LRRC4B: variants seen among roughly 807,000 people sequenced by gnomAD.
LRRC4B encodes leucine-rich repeat-containing protein 4B.
Under a neutral mutation model 7.3 loss-of-function variants are expected in LRRC4B, and 1 was observed. The ratio of observed to expected loss-of-function variants is 0.14; its 90% CI spans 0.05 to 0.65. LRRC4B has a LOEUF of 0.65. LRRC4B is among the 30% of genes least tolerant of loss of function. The pLI, the probability that LRRC4B is intolerant of heterozygous loss-of-function variation, is 0.84. For synonymous variants in LRRC4B, 500 were observed against 499.2 expected, an observed-to-expected ratio of 1.00 and a Z score of -0.02; for missense variants, 730 against 1,041.6, an observed-to-expected ratio of 0.70 and a Z score of 4.12.
intron 1 of LRRC4B, among the ~76,000 whole-genome samples, chr19:50,558,931 C>T (rs75603077): frequency 6.6e-6 from 1 of 152,340 alleles, no homozygotes; most frequent in Non-Finnish European, 1.5e-5. Context: ...AGCACCTGAC[C>T]AGCGCTGCCT....
intron 2 of LRRC4B, among the ~76,000 whole-genome samples, chr19:50,547,796 T>TC: frequency 6.6e-6 from 1 of 151,106 alleles, no homozygotes; most frequent in South Asian, 2.1e-4. Context: ...CACAGCTCTG[T>TC]CCCCCCAAGC....
Position 50,548,318 on chromosome 19 carries a change from G to A in LRRC4B, c.297+224C>T, listed in dbSNP as rs916634013. ...GTGGCCTGCACTTGGGCCCCGACAC[G>A]GTGGCTCAGAGACAGGGAGCACTGT... On this transcript the variant is annotated intron_variant, in intron 2 of 2. Coordinates refer to ENST00000652263, the MANE Select transcript of LRRC4B (RefSeq NM_001080457.2). The surrounding 1 kb of genome is among the most constrained non-coding windows in gnomAD (Gnocchi z 6.8). Among the ~76,000 whole-genome samples, 1 of 152,248 alleles carries A rather than the reference G, an allele frequency of 6.6e-6. No homozygotes were observed. The highest frequency in any genetic ancestry group is 6.5e-5 in the Admixed American group (1 of 15,290).
rs904167557 is a variant in LRRC4B, at chr19:50,537,804, G to A, written c.297+10738C>T. ...TCGGAGTGGTGACAAGGATTATGTG[G>A]GCCCCGAGATGGCGCTGCTGAGGGA... On this transcript the variant is annotated intron_variant, in intron 2 of 2. Transcript: ENST00000652263. This position sits in a 1 kb window ranked among gnomAD's most constrained non-coding sequence, Gnocchi z 5.5. Among the ~76,000 whole-genome samples, 3 of 152,158 alleles carry A rather than the reference G, an allele frequency of 2.0e-5. No individual in the cohort carries two copies. Among genetic ancestry groups the A allele is most frequent in the Admixed American group, 2.0e-4 (3 of 15,282 alleles).
intron 1 of LRRC4B, among the ~76,000 whole-genome samples, chr19:50,550,380 G>A (rs1982002114): frequency 6.6e-6 from 1 of 151,706 alleles, no homozygotes. Context: ...CAGGAGGAGG[G>A]CAGGTCACAC....
intron 1 of LRRC4B, among the ~76,000 whole-genome samples, chr19:50,551,381 G>T (rs568268071): frequency 6.6e-6 from 1 of 151,238 alleles, no homozygotes; most frequent in Non-Finnish European, 1.5e-5. Flanking sequence ...CCACCCCTGG[G>T]GGGGGCTGTC....
rs748267945 is a variant in LRRC4B at position 50,526,163 on chromosome 19, T to TG, written c.298-6749dup. On this transcript the variant is annotated intron_variant, in intron 2 of 2. Coordinates refer to ENST00000652263, the MANE Select transcript of LRRC4B (RefSeq NM_001080457.2). The stretch of plus-strand genomic sequence containing the variant: ...CGCTGTGCTGCCACCAAGGCGACAA[T>TG]GACAGTGAGAGCCCATAAGACACAG... Among the ~76,000 whole-genome samples, 9 of 152,202 alleles carry TG rather than the reference T, an allele frequency of 5.9e-5. No homozygotes were observed. The South Asian group carries it at 1.9e-3, about 32-fold the overall frequency.
intron 2 of LRRC4B, among the ~76,000 whole-genome samples, chr19:50,545,750 G>C (rs1171279484): frequency 7.0e-6 from 1 of 142,234 alleles, no homozygotes. Context: ...TTTTAAGACA[G>C]GGTCTCTCTG....
At chr19:50,532,131 G>A (rs1177230783) in intron 2 of LRRC4B, among the ~76,000 whole-genome samples, 1 of 152,168 alleles carries the variant, frequency 6.6e-6, no homozygotes, top group Non-Finnish European at 1.5e-5. Context: ...AGCTACTTGG[G>A]AGGCTGAGGC....
Position 50,555,923 on chromosome 19 carries a change from G to A in LRRC4B, c.-35-7050C>T, listed in dbSNP as rs904543787. The A allele has an allele frequency of 6.6e-6, 1 of 152,380 alleles. No individual in the cohort carries two copies. Among genetic ancestry groups the A allele is most frequent in the African/African-American group, 2.4e-5 (1 of 41,444 alleles). The allele number at this position is 152,380 out of a possible 1,614,324, so 9.4% of individuals were successfully genotyped here. A position where few individuals can be genotyped will look rare whatever the true frequency, so the allele number is the denominator to read the frequency against. ...AGTGGAGCCTGGAGCCCAGAGGGTG[G>A]AGAGGGATTGAAGCCGGGGAGGGAT... is the stretch of plus-strand genomic sequence containing the variant. On this transcript the variant is annotated intron_variant, in intron 1 of 2. Transcript: ENST00000652263. The surrounding 1 kb of genome is among the most constrained non-coding windows in gnomAD (Gnocchi z 5.2).
Position 50,517,533 on chromosome 19 carries a change from G to C in LRRC4B, c.*38C>G. On this transcript the variant is annotated 3_prime_UTR_variant, in exon 3 of 3. Transcript: ENST00000652263. The surrounding 1 kb of genome is among the most constrained non-coding windows in gnomAD (Gnocchi z 6.6). ...CTGCGCCCGGGCTGGGACCTGGGTG[G>C]GGGGCTCCACGCCCCTCGCCCGCCC... 7.2e-7 allele frequency: 1 copy of C among 1,393,620 alleles called. No homozygotes were observed. The highest frequency in any genetic ancestry group is 9.3e-7 in the Non-Finnish European group (1 of 1,072,802). 86.3% of individuals were successfully genotyped at this position (1,393,620 alleles called of 1,614,324 possible).
chr19:50,557,609 C>T (rs1274650432), intron 1 of LRRC4B: 1 of 152,118 alleles, frequency 6.6e-6, no homozygotes, highest in Non-Finnish European at 1.5e-5. Flanking sequence ...TGCCAATTTT[C>T]CGCTAGGAAC....
At chr19:50,525,644 T>C (rs535604792) in intron 2 of LRRC4B, among the ~76,000 whole-genome samples, 1 of 150,998 alleles carries the variant, frequency 6.6e-6, no homozygotes, top group East Asian at 2.0e-4. Flanking sequence ...GGTCTTGAAC[T>C]CCTGACCTCA....
At chr19:50,546,761 G>GA (rs1981834122) in intron 2 of LRRC4B, among the ~76,000 whole-genome samples, 8 of 152,152 alleles carry the variant, frequency 5.3e-5, no homozygotes, top group South Asian at 4.1e-4. Context: ...AAAGAGAAAC[G>GA]GGTCCAGGTT....
At chr19:50,545,408 CAA>C (rs58857784) in intron 2 of LRRC4B, among the ~76,000 whole-genome samples, 28 of 78,736 alleles carry the variant, frequency 3.6e-4, no homozygotes, top group East Asian at 4.5e-4. Flanking sequence ...AACTCCATCT[CAA>C]AAAAAAAAAA....
rs1981347256 is a variant in LRRC4B, at chr19:50,537,638, ATTTAAC to A, written c.297+10898_297+10903del. Among the ~76,000 whole-genome samples the A allele has an allele frequency of 6.6e-6, 1 of 152,184 alleles. No individual in the cohort carries two copies. The highest frequency in any genetic ancestry group is 1.5e-5 in the Non-Finnish European group (1 of 68,026). ...GCCAAGCAATTCTACGCCTTTGTCA[ATTTAAC>A]TTTAACAGGTGTGAGCCACCGCGCC... On this transcript the variant is annotated intron_variant, in intron 2 of 2. Coordinates refer to ENST00000652263, the MANE Select transcript of LRRC4B (RefSeq NM_001080457.2). This position sits in a 1 kb window ranked among gnomAD's most constrained non-coding sequence, Gnocchi z 5.5.
chr19:50,551,046 T>TC (rs929820577), intron 1 of LRRC4B: 2 of 151,832 alleles, frequency 1.3e-5, no homozygotes, highest in African/African-American at 4.8e-5. Flanking sequence ...TCCGCATCTG[T>TC]CCCCAGCTCT....
At chr19:50,547,894 G>A (rs759578190) in intron 2 of LRRC4B, among the ~76,000 whole-genome samples, 3 of 151,802 alleles carry the variant, frequency 2.0e-5, no homozygotes, top group Admixed American at 6.6e-5. Context: ...CCACCATGGC[G>A]CCAAGCACCA....
intron 1 of LRRC4B, among the ~76,000 whole-genome samples, chr19:50,551,381 G>A (rs568268071): frequency 1.3e-5 from 2 of 151,358 alleles, no homozygotes; most frequent in South Asian, 4.2e-4. Context: ...CCACCCCTGG[G>A]GGGGGCTGTC....
At chr19:50,567,061 A>G (rs1215008990) in intron 1 of LRRC4B, among the ~76,000 whole-genome samples, 1 of 148,128 alleles carries the variant, frequency 6.8e-6, no homozygotes, top group East Asian at 2.1e-4. Flanking sequence ...TGAGGAGCAG[A>G]TGCCGTGTCT....
Sources: allele counts gnomAD v4.1 joint callset (sites outside exome capture counted in the v4.1 genomes callset), GRCh38; gene constraint gnomAD v4.1.1; non-coding constraint Gnocchi (gnomAD v3.1); transcripts MANE v1.5; gene names NCBI Gene and HGNC (gene_info 2026-07-23, HGNC 2026-07-21).